The following DTD1 variants were observed in gnomAD, a reference collection of about 807,000 sequenced individuals.
DTD1 encodes D-aminoacyl-tRNA deacylase 1, also known as D-tyrosyl-tRNA deacylase 1 homolog.
Under a neutral mutation model 25.6 loss-of-function variants are expected in DTD1, and 13 were observed. The ratio of observed to expected loss-of-function variants is 0.51; its 90% CI spans 0.33 to 0.81. DTD1 has a LOEUF of 0.81. Ranked by LOEUF, DTD1 falls within the 30% of genes least tolerant of loss-of-function variation. The pLI is 0.02. For synonymous variants in DTD1, 110 were observed against 103.6 expected (o/e 1.06, Z -0.37); for missense variants, 193 against 266.4 (o/e 0.72, Z 1.92).
At chr20:18,661,371 C>CTTTTTTTTT (rs565601536) in intron 4 of DTD1, among the ~76,000 whole-genome samples, 1 of 120,212 alleles carries the variant, frequency 8.3e-6, no homozygotes, top group Non-Finnish European at 1.7e-5. Context: ...GTCTTCTAGT[C>CTTTTTTTTT]TTTTTTTTTT....
chr20:18,760,128 C>T (rs1310852221), intron 5 of DTD1, among the ~76,000 whole-genome samples: 1 of 152,102 alleles, frequency 6.6e-6, no homozygotes, highest in Non-Finnish European at 1.5e-5. Flanking sequence ...TTCTAGTTAG[C>T]CATTCGTCTA....
intron 5 of DTD1, among the ~76,000 whole-genome samples, chr20:18,746,533 TTA>T (rs1491282371): frequency 1.4e-5 from 2 of 144,056 alleles, no homozygotes; most frequent in Non-Finnish European, 1.5e-5. Context: ...CCCCCGTCTC[TTA>T]AAAAAAAAAA....
In DTD1 at chr20:18,599,418, G is replaced by A. The variant is rs187818230; in HGVS notation, c.370+3177G>A. ...TCAAACTCCTGACCTCAGGTAATCC[G>A]CCCACATCAGCCTCCCAAAGTGCTG... On this transcript the variant is annotated intron_variant, in intron 3 of 5. Transcript: ENST00000377452. Among the ~76,000 whole-genome samples the A allele has an allele frequency of 1.1e-4, 16 of 152,154 alleles. No homozygotes were observed. In the East Asian group the frequency reaches 1.9e-3, roughly 18 times the overall value.
intron 4 of DTD1, among the ~76,000 whole-genome samples, chr20:18,735,178 GA>G (rs1321788308): frequency 6.6e-6 from 1 of 152,212 alleles, no homozygotes; most frequent in African/African-American, 2.4e-5. Flanking sequence ...GACTTTGTGG[GA>G]TTTGAGTTCT....
intron 3 of DTD1, among the ~76,000 whole-genome samples, chr20:18,624,359 A>G (rs1042489490): frequency 1.3e-5 from 2 of 152,214 alleles, no homozygotes; most frequent in African/African-American, 4.8e-5. Flanking sequence ...TGCAGACCCT[A>G]TCCCATTATC....
intron 4 of DTD1, among the ~76,000 whole-genome samples, chr20:18,723,692 T>C (rs999675612): frequency 3.3e-5 from 5 of 152,240 alleles, no homozygotes; most frequent in Non-Finnish European, 7.3e-5. Flanking sequence ...AAGAGATTGT[T>C]ACAGGTGAAT....
At chr20:18,644,709 C>T (rs1199226210) in intron 4 of DTD1, among the ~76,000 whole-genome samples, 1 of 152,110 alleles carries the variant, frequency 6.6e-6, no homozygotes, top group Non-Finnish European at 1.5e-5. Context: ...ATGAGACATC[C>T]ATTCAGGAAT....
chr20:18,641,521 T>TTGTG (rs762686834), intron 4 of DTD1, among the ~76,000 whole-genome samples: 4 of 149,590 alleles, frequency 2.7e-5, no homozygotes, highest in African/African-American at 4.9e-5. Context: ...GTATGTGTGT[T>TTGTG]TGTGTGTGTG....
At chr20:18,645,012 G>A (rs73266562) in intron 4 of DTD1, among the ~76,000 whole-genome samples, 3,914 of 152,212 alleles carry the variant, frequency 0.026, 179 homozygotes, top group African/African-American at 0.09. Flanking sequence ...TTAGCAGAAT[G>A]TGGTGGTGCA....
intron 4 of DTD1, chr20:18,632,431 G>T: frequency 1.0e-6 from 1 of 985,460 alleles, no homozygotes; most frequent in Non-Finnish European, 1.2e-6. Context: ...GTGTTAGGTT[G>T]GTGCTGGCCT....
At chr20:18,632,446 C>G in intron 4 of DTD1, 2 of 985,484 alleles carry the variant, frequency 2.0e-6, no homozygotes, top group Non-Finnish European at 2.4e-6. Flanking sequence ...TGGCCTGTGC[C>G]TGGGGCCTCT....
intron 3 of DTD1, among the ~76,000 whole-genome samples, chr20:18,624,361 C>T (rs12329440): frequency 2.1e-4 from 32 of 152,338 alleles, no homozygotes; most frequent in African/African-American, 5.3e-4. Flanking sequence ...CAGACCCTAT[C>T]CCATTATCAC....
chr20:18,630,670 C>G (rs567407882), intron 4 of DTD1: 1 of 152,288 alleles, frequency 6.6e-6, no homozygotes, highest in Non-Finnish European at 1.5e-5. Flanking sequence ...CCAAAGTTCA[C>G]TAGGTTTTTT....
chr20:18,589,196 C>T (rs889467854), intron 1 of DTD1, among the ~76,000 whole-genome samples: 6 of 152,024 alleles, frequency 3.9e-5, no homozygotes, highest in African/African-American at 1.5e-4. Flanking sequence ...ACTACAAATA[C>T]AAAAATTAGC....
At chr20:18,606,785 G>A (rs1428136240) in intron 3 of DTD1, among the ~76,000 whole-genome samples, 9 of 130,710 alleles carry the variant, frequency 6.9e-5, no homozygotes, top group South Asian at 2.8e-4. Context: ...TGGTGGGGGG[G>A]GGGAGGGGGG....
intron 4 of DTD1, among the ~76,000 whole-genome samples, chr20:18,651,415 T>A (rs2060873691): frequency 6.6e-6 from 1 of 152,240 alleles, no homozygotes; most frequent in African/African-American, 2.4e-5. Flanking sequence ...CCTCCCAAAG[T>A]GCTGGGATTA....
intron 4 of DTD1, among the ~76,000 whole-genome samples, chr20:18,656,847 T>C (rs1394492203): frequency 1.3e-5 from 2 of 152,142 alleles, no homozygotes; most frequent in Non-Finnish European, 2.9e-5. Context: ...TTTCAGTAAA[T>C]GGGCTTAGTG....
intron 3 of DTD1, among the ~76,000 whole-genome samples, chr20:18,611,770 T>C (rs2060687473): frequency 6.6e-6 from 1 of 152,126 alleles, no homozygotes; most frequent in African/African-American, 2.4e-5. Context: ...AACCCCAAGC[T>C]CTTTCACTTG....
At chr20:18,612,424 A>G (rs987617850) in intron 3 of DTD1, among the ~76,000 whole-genome samples, 2 of 151,886 alleles carry the variant, frequency 1.3e-5, no homozygotes, top group African/African-American at 4.8e-5. Flanking sequence ...CAAAGCAAAC[A>G]CTCTTTCATT....
Sources: gnomAD v4.1 joint callset for allele counts (sites outside exome capture counted in the v4.1 genomes callset) on GRCh38, gnomAD v4.1.1 for gene constraint, MANE v1.5 for transcripts, NCBI Gene and HGNC (gene_info 2026-07-23, HGNC 2026-07-21) for gene names.